Variants in LEMD3 observed in about 807,000 individuals in gnomAD.
The protein encoded by LEMD3 is LEM domain containing 3.
Under a neutral mutation model 95.2 loss-of-function variants are expected in LEMD3, and 33 were observed. That is an observed-to-expected ratio of 0.35 (90% CI 0.26 to 0.46). The LOEUF is 0.46. Among genes scored for constraint, LEMD3 ranks in the 20% least tolerant of loss-of-function variants. The probability of loss-of-function intolerance (pLI) is 1.00; values close to 1 mark genes in which losing one functional copy is unlikely to be tolerated. For synonymous variants in LEMD3, 525 were observed against 474.6 expected (o/e 1.11, Z -1.38); for missense variants, 1,210 against 1,192.8 (o/e 1.01, Z -0.21).
At chr12:65,228,631 C>T (rs1218339576) in intron 4 of LEMD3, among the ~76,000 whole-genome samples, 3 of 151,862 alleles carry the variant, frequency 2.0e-5, no homozygotes, top group Non-Finnish European at 4.4e-5. Context: ...CTCCTGACCT[C>T]GTCATCTGCC....
rs538856716 is a variant in LEMD3 at position 65,240,021 on chromosome 12, A to G, written c.2014A>G (p.Lys672Glu). ...AAGGCAGATGTATGATATGGTGGTA[A>G]AGATTATAGGTATGATATTTGTAAG... ...ETRQMYDMVV[K>E]IIDVLRSHNE... Residue 672 changes from lysine (K) to glutamate (E), a missense_variant, in exon 7 of 13, where the codon AAG becomes GAG. Transcript: ENST00000308330. 47 of 1,599,900 alleles carry G rather than the reference A, an allele frequency of 2.9e-5. No homozygotes were observed. In the South Asian group the frequency reaches 5.0e-4, roughly 17 times the overall value.
chr12:65,210,266 C>G (rs1052601140), intron 1 of LEMD3, among the ~76,000 whole-genome samples: 2 of 151,560 alleles, frequency 1.3e-5, no homozygotes, highest in African/African-American at 4.8e-5. Context: ...TTTCTTGCCA[C>G]TTTTTCAGAT....
At chr12:65,235,141 G>C (rs948709348) in intron 4 of LEMD3, among the ~76,000 whole-genome samples, 7 of 152,170 alleles carry the variant, frequency 4.6e-5, no homozygotes, top group African/African-American at 1.4e-4. Context: ...TGTCTTTGAA[G>C]AACTAAATGA....
intron 1 of LEMD3, among the ~76,000 whole-genome samples, chr12:65,199,873 A>G (rs1250331619): frequency 1.3e-5 from 2 of 152,022 alleles, no homozygotes; most frequent in Non-Finnish European, 2.9e-5. Context: ...TGGCTGTACC[A>G]TTTTGCATTC....
chr12:65,247,308 A>C lies in LEMD3; in HGVS notation c.*983A>C, dbSNP rs745588097. 2 of 152,708 alleles carry C rather than the reference A, an allele frequency of 1.3e-5. No individual in the cohort carries two copies. The highest frequency in any genetic ancestry group is 4.8e-5 in the African/African-American group (2 of 41,568). 9.5% of individuals were successfully genotyped at this position (152,708 alleles called of 1,614,324 possible). A position where few individuals can be genotyped will look rare whatever the true frequency, so the allele number is the denominator to read the frequency against. ...TTATTATAAATACTAGGGCCATGAC[A>C]TAGTACCATTGGGGTTAAGTCATTT... On this transcript the variant is annotated 3_prime_UTR_variant, in exon 13 of 13. Coordinates refer to ENST00000308330, the MANE Select transcript of LEMD3 (RefSeq NM_014319.5).
chr12:65,181,178 C>CT (rs1331125189), intron 1 of LEMD3, among the ~76,000 whole-genome samples: 3 of 152,190 alleles, frequency 2.0e-5, no homozygotes, highest in African/African-American at 7.2e-5. Context: ...AGCCTCTGAG[C>CT]TATGGCTTGG....
intron 1 of LEMD3, among the ~76,000 whole-genome samples, chr12:65,194,573 C>T (rs187488150): frequency 5.3e-5 from 8 of 151,518 alleles, no homozygotes; most frequent in South Asian, 4.2e-4. Flanking sequence ...GTTGGTGGTC[C>T]GAAACATAAA....
intron 4 of LEMD3, 102 bp downstream of exon 4, chr12:65,218,721 T>A: frequency 1.4e-6 from 1 of 689,760 alleles, no homozygotes; most frequent in South Asian, 1.7e-5. Context: ...ATTGTACTGT[T>A]AAAAGCTTGG....
rs1042264797 is a variant in LEMD3, at chr12:65,246,935, T to G, written c.*610T>G. ...AATGCTGGTGGTGGTGAAAGTAGTC[T>G]TGTTTTATGAGGATGTCTGCATTAA... On this transcript the variant is annotated 3_prime_UTR_variant, in exon 13 of 13. Transcript: ENST00000308330. The G allele has an allele frequency of 3.2e-5, 5 of 154,654 alleles. No individual in the cohort carries two copies. The highest frequency in any genetic ancestry group is 1.2e-4 in the African/African-American group (5 of 41,458). The allele number at this position is 154,654 out of a possible 1,614,324, so 9.6% of individuals were successfully genotyped here.
intron 1 of LEMD3, among the ~76,000 whole-genome samples, chr12:65,207,252 A>G (rs1260411882): frequency 6.6e-6 from 1 of 152,160 alleles, no homozygotes; most frequent in Non-Finnish European, 1.5e-5. Context: ...TGAAGCTGCT[A>G]TTCTAGGAGA....
At chr12:65,216,666 C>G (rs1428938811) in intron 3 of LEMD3, among the ~76,000 whole-genome samples, 2 of 150,588 alleles carry the variant, frequency 1.3e-5, no homozygotes, top group African/African-American at 4.9e-5. Flanking sequence ...AAAGAAGAGA[C>G]TTGGATTCTT....
Position 65,246,060 on chromosome 12 carries a change from C to T in LEMD3, c.2573-102C>T, listed in dbSNP as rs1297881808. On this transcript the variant is annotated intron_variant, in intron 12 of 12. Transcript: ENST00000308330. ...TTTTTTGAGTAATAATTTTAGATGACTTTATTTATGTTTTGTGCTCATATG... is the reference window on the plus strand; with the variant it reads ...TTTTTTGAGTAATAATTTTAGATGATTTTATTTATGTTTTGTGCTCATATG... 4.8e-6 allele frequency: 6 copies of T among 1,254,414 alleles called. No individual in the cohort carries two copies. In the African/African-American group the frequency reaches 9.0e-5, roughly 19 times the overall value. 77.7% of individuals were successfully genotyped at this position (1,254,414 alleles called of 1,614,324 possible).
intron 1 of LEMD3, among the ~76,000 whole-genome samples, chr12:65,185,597 T>C (rs1260935578): frequency 1.3e-5 from 2 of 151,834 alleles, no homozygotes; most frequent in South Asian, 4.1e-4. Flanking sequence ...AATCTGAATA[T>C]CTTGATATAA....
intron 2 of LEMD3, 50 bp from the exon 3 acceptor site, chr12:65,215,907 TTGATTAAGAATTATTTGGTG>T (rs1870093228): frequency 1.6e-6 from 1 of 628,080 alleles, no homozygotes. Context: ...TTTTTTTTTT[TTGATTAAGAATTATTTGGTG>T]TTTTTTTTCT....
intron 1 of LEMD3, among the ~76,000 whole-genome samples, chr12:65,174,358 G>A (rs537968062): frequency 7.2e-4 from 110 of 152,234 alleles, no homozygotes; most frequent in African/African-American, 2.5e-3. Flanking sequence ...GGATCAACCT[G>A]CAATCAGAGT....
chr12:65,202,766 G>C (rs1869645320), intron 1 of LEMD3, among the ~76,000 whole-genome samples: 1 of 152,138 alleles, frequency 6.6e-6, no homozygotes, highest in Admixed American at 6.6e-5. Context: ...TGTGTCTTCT[G>C]TGAGTTTTGA....
At chr12:65,182,182 G>A (rs1207680958) in intron 1 of LEMD3, among the ~76,000 whole-genome samples, 1 of 152,086 alleles carries the variant, frequency 6.6e-6, no homozygotes, top group Non-Finnish European at 1.5e-5. Context: ...GGCAGCAGTA[G>A]AATTTTTTTA....
At chr12:65,175,946 T>C (rs1310123093) in intron 1 of LEMD3, among the ~76,000 whole-genome samples, 3 of 152,294 alleles carry the variant, frequency 2.0e-5, no homozygotes, top group African/African-American at 7.2e-5. Flanking sequence ...ACCTAGATTC[T>C]TTCCTTTCCC....
intron 4 of LEMD3, among the ~76,000 whole-genome samples, chr12:65,236,476 T>C (rs1870775137): frequency 6.6e-6 from 1 of 151,840 alleles, no homozygotes; most frequent in South Asian, 2.1e-4. Context: ...GCTTGAGCCC[T>C]GGAGATGGAG....
Sources: gnomAD v4.1 joint callset for allele counts (sites outside exome capture counted in the v4.1 genomes callset) on GRCh38, gnomAD v4.1.1 for gene constraint, MANE v1.5 for transcripts, NCBI Gene and HGNC (gene_info 2026-07-23, HGNC 2026-07-21) for gene names.